Variants in AGBL4 observed in about 807,000 individuals in gnomAD.
AGBL4 encodes the protein AGBL carboxypeptidase 4, also known as cytosolic carboxypeptidase 6.
AGBL4 carries 58 observed loss-of-function variants against 66.4 expected under a neutral mutation model. That is an observed-to-expected ratio of 0.87 (90% CI 0.71 to 1.09). AGBL4 has a LOEUF of 1.09. Ranked by LOEUF, AGBL4 falls within the 50% of genes least tolerant of loss-of-function variation. The pLI is 0.00. For synonymous variants in AGBL4, 234 were observed against 222.9 expected, an observed-to-expected ratio of 1.05 and a Z score of -0.44; for missense variants, 579 against 631.0, an observed-to-expected ratio of 0.92 and a Z score of 0.88.
At chr1:48,827,481 G>A (rs1270091663) in intron 6 of AGBL4, among the ~76,000 whole-genome samples, 1 of 152,150 alleles carries the variant, frequency 6.6e-6, no homozygotes, top group Non-Finnish European at 1.5e-5. Flanking sequence ...TGGGGTGAAA[G>A]CTCTGGTCTT....
At chr1:49,152,251 T>C (rs1646350467) in intron 4 of AGBL4, among the ~76,000 whole-genome samples, 1 of 152,170 alleles carries the variant, frequency 6.6e-6, no homozygotes, top group South Asian at 2.1e-4. Flanking sequence ...AACCCTCCTT[T>C]CCCTGGTGGA....
intron 4 of AGBL4, among the ~76,000 whole-genome samples, chr1:49,087,383 T>G (rs1644927408): frequency 6.6e-6 from 1 of 152,234 alleles, no homozygotes. Context: ...AATGGTCATT[T>G]TAAGAAAGAA....
At chr1:49,149,532 A>G (rs1646284990) in intron 4 of AGBL4, among the ~76,000 whole-genome samples, 1 of 152,232 alleles carries the variant, frequency 6.6e-6, no homozygotes. Flanking sequence ...AATTCAAGAT[A>G]AAACATTGTT....
chr1:48,934,615 T>G (rs181223822), intron 5 of AGBL4, among the ~76,000 whole-genome samples: 1 of 152,232 alleles, frequency 6.6e-6, no homozygotes, highest in Non-Finnish European at 1.5e-5. Flanking sequence ...TCCTCCAGAA[T>G]TCCTTATCCC....
intron 6 of AGBL4, among the ~76,000 whole-genome samples, chr1:48,749,913 G>T (rs1403488994): frequency 6.6e-6 from 1 of 152,212 alleles, no homozygotes; most frequent in African/African-American, 2.4e-5. Context: ...GGCTGGGTTG[G>T]GGGGCTAAGG....
chr1:48,829,627 C>T (rs1646505318), intron 6 of AGBL4, among the ~76,000 whole-genome samples: 1 of 152,040 alleles, frequency 6.6e-6, no homozygotes, highest in Non-Finnish European at 1.5e-5. Flanking sequence ...GCTGAAACAT[C>T]TCTCAGGGGA....
At chr1:49,771,751 TTC>T (rs1475516732) in intron 2 of AGBL4, among the ~76,000 whole-genome samples, 1 of 152,064 alleles carries the variant, frequency 6.6e-6, no homozygotes, top group African/African-American at 2.4e-5. Flanking sequence ...AATGACTTTT[TTC>T]TCTCTTTACA....
intron 2 of AGBL4, among the ~76,000 whole-genome samples, chr1:49,729,553 C>A (rs896870366): frequency 1.3e-5 from 2 of 152,028 alleles, no homozygotes; most frequent in African/African-American, 4.8e-5. Context: ...ATTAACCCCC[C>A]CAAAATCCTC....
At chr1:49,535,025 C>T (rs1249800929) in intron 3 of AGBL4, among the ~76,000 whole-genome samples, 1 of 152,164 alleles carries the variant, frequency 6.6e-6, no homozygotes, top group Non-Finnish European at 1.5e-5. Context: ...CCTTCCTTCC[C>T]CTTGAAAAGA....
At chr1:49,160,184 C>A (rs1214931380) in intron 4 of AGBL4, among the ~76,000 whole-genome samples, 2 of 152,096 alleles carry the variant, frequency 1.3e-5, no homozygotes, top group African/African-American at 4.8e-5. Context: ...GCACTGTTTT[C>A]TCCCCTTCTT....
intron 6 of AGBL4, among the ~76,000 whole-genome samples, chr1:48,695,845 G>T (rs1398844096): frequency 1.3e-5 from 2 of 152,282 alleles, no homozygotes; most frequent in East Asian, 1.9e-4. Context: ...GCCAGGTTTG[G>T]TAAGTACTAG....
intron 3 of AGBL4, among the ~76,000 whole-genome samples, chr1:49,431,364 T>G (rs1467007899): frequency 1.3e-5 from 2 of 152,202 alleles, no homozygotes; most frequent in African/African-American, 2.4e-5. Flanking sequence ...AAAAATAACA[T>G]CTTTGATTAG....
chr1:49,150,003 C>T (rs745662614), intron 4 of AGBL4, among the ~76,000 whole-genome samples: 3 of 152,140 alleles, frequency 2.0e-5, no homozygotes, highest in Non-Finnish European at 2.9e-5. Context: ...CATCTAAATT[C>T]ATGGACCTCA....
rs746087223 is a variant in AGBL4, at chr1:48,736,320, C to T, written c.635-73079G>A. 4.3e-6 allele frequency: 7 copies of T among 1,614,054 alleles called. No homozygotes were observed. The highest frequency in any genetic ancestry group is 1.1e-5 in the South Asian group (1 of 91,078). On this transcript the variant is annotated intron_variant, in intron 6 of 13. Transcript: ENST00000371839. This position sits in a 1 kb window ranked among gnomAD's most constrained non-coding sequence, Gnocchi z 4.0. ...TTTTTTTTTGTGGCGACGCCTGTGA[C>T]GCTTCTGTTTTTCAGAACATCTGTT...
At chr1:49,849,362 T>C (rs1305344793) in intron 2 of AGBL4, among the ~76,000 whole-genome samples, 1 of 150,668 alleles carries the variant, frequency 6.6e-6, no homozygotes, top group Non-Finnish European at 1.5e-5. Flanking sequence ...AAATAATATT[T>C]ACCCTTTCTA....
chr1:49,655,432 G>A (rs561255413), intron 3 of AGBL4, among the ~76,000 whole-genome samples: 62 of 152,080 alleles, frequency 4.1e-4, no homozygotes, highest in Non-Finnish European at 2.2e-4. Flanking sequence ...TGCTCTTCTC[G>A]AGTAGTATCT....
At chr1:49,493,288 T>G (rs1647252765) in intron 3 of AGBL4, among the ~76,000 whole-genome samples, 1 of 152,000 alleles carries the variant, frequency 6.6e-6, no homozygotes, top group African/African-American at 2.4e-5. Flanking sequence ...ATACTTAGAA[T>G]ATGGAGCCAG....
chr1:49,287,770 T>G (rs1477666911), intron 3 of AGBL4, among the ~76,000 whole-genome samples: 8 of 143,160 alleles, frequency 5.6e-5, no homozygotes, highest in Non-Finnish European at 1.5e-5. Context: ...TTGGTGGGAC[T>G]GTAAACTAGT....
intron 3 of AGBL4, among the ~76,000 whole-genome samples, chr1:49,573,142 G>C (rs973014493): frequency 1.2e-4 from 16 of 133,442 alleles, no homozygotes; most frequent in African/African-American, 5.0e-4. Flanking sequence ...CTGTGTGTGT[G>C]TGTCTGTGTG....
Sources: gnomAD v4.1 joint callset for allele counts (sites outside exome capture counted in the v4.1 genomes callset) on GRCh38, gnomAD v4.1.1 for gene constraint, Gnocchi (gnomAD v3.1) non-coding constraint, MANE v1.5 for transcripts, NCBI Gene and HGNC (gene_info 2026-07-23, HGNC 2026-07-21) for gene names.